The following SLC38A11 variants were observed in gnomAD, a reference collection of about 807,000 sequenced individuals.
The protein encoded by SLC38A11 is solute carrier family 38 member 11.
SLC38A11 carries 51 observed loss-of-function variants against 49.4 expected under a neutral mutation model. The ratio of observed to expected loss-of-function variants is 1.03; its 90% CI spans 0.83 to 1.30. The LOEUF is 1.30. Among genes scored for constraint, SLC38A11 ranks in the 50% most tolerant of loss-of-function variants. The probability of loss-of-function intolerance (pLI) is 0.00; values close to 1 mark genes in which losing one functional copy is unlikely to be tolerated. For missense variants in SLC38A11, 574 were observed against 556.2 expected, an observed-to-expected ratio of 1.03 and a Z score of -0.32; for synonymous variants, 203 against 192.9, an observed-to-expected ratio of 1.05 and a Z score of -0.43.
chr2:164,905,530 A>G (rs1684941015), intron 11 of SLC38A11, among the ~76,000 whole-genome samples: 1 of 152,156 alleles, frequency 6.6e-6, no homozygotes, highest in African/African-American at 2.4e-5. Flanking sequence ...ATGATGCTTG[A>G]TTTGGCTCTA....
intron 7 of SLC38A11, among the ~76,000 whole-genome samples, chr2:164,924,885 C>T (rs1686456982): frequency 6.6e-6 from 1 of 151,460 alleles, no homozygotes; most frequent in Non-Finnish European, 1.5e-5. Flanking sequence ...CAGGCACCAG[C>T]CACCATGCCC....
At chr2:164,937,008 A>G (rs1687418032) in intron 7 of SLC38A11, among the ~76,000 whole-genome samples, 3 of 152,118 alleles carry the variant, frequency 2.0e-5, no homozygotes, top group South Asian at 4.1e-4. Flanking sequence ...AACATCCACT[A>G]TATCTCTTAT....
chr2:164,918,298 A>G (rs994035373), intron 7 of SLC38A11, among the ~76,000 whole-genome samples: 3 of 152,112 alleles, frequency 2.0e-5, no homozygotes, highest in Non-Finnish European at 2.9e-5. Flanking sequence ...GTTTAATAAC[A>G]AAATATTAAT....
At chr2:164,902,976 C>CA (rs1396118950) in intron 11 of SLC38A11, among the ~76,000 whole-genome samples, 1 of 151,930 alleles carries the variant, frequency 6.6e-6, no homozygotes, top group African/African-American at 2.4e-5. Context: ...CAAAGGTACA[C>CA]AAAAAATAAA....
intron 6 of SLC38A11, 161 bp from the exon 7 acceptor site, chr2:164,937,590 C>T (rs1383148544): frequency 3.6e-6 from 2 of 554,346 alleles, no homozygotes; most frequent in East Asian, 6.3e-5. Flanking sequence ...TAATCTCAGG[C>T]AGGTAACTTC....
At position 164,955,330 on chromosome 2, in the gene SLC38A11, C is replaced by T. The variant is rs1172651453; in HGVS notation, c.-83G>A. 1.5e-6 allele frequency: 2 copies of T among 1,335,036 alleles called. No individual in the cohort carries two copies. Among genetic ancestry groups the T allele is most frequent in the Non-Finnish European group, 2.1e-6 (2 of 951,712 alleles). The allele number at this position is 1,335,036 out of a possible 1,614,324, so 82.7% of individuals were successfully genotyped here. A position where few individuals can be genotyped will look rare whatever the true frequency, so the allele number is the denominator to read the frequency against. On this transcript the variant is annotated 5_prime_UTR_variant, in exon 1 of 12. Transcript: ENST00000685975. ...CCGGCCAGCCTCCTCCGCCACCTCGCACACAGCCGAGGTCCGCGTGTAGCC... is the reference window on the plus strand; with the variant it reads ...CCGGCCAGCCTCCTCCGCCACCTCGTACACAGCCGAGGTCCGCGTGTAGCC...
chr2:164,951,109 A>C (rs1295743278), intron 3 of SLC38A11, among the ~76,000 whole-genome samples: 1 of 152,202 alleles, frequency 6.6e-6, no homozygotes, highest in Non-Finnish European at 1.5e-5. Context: ...ATATGGCATT[A>C]GTTGAAAAAG....
At chr2:164,939,123 ACACAAAAGATGG>A (rs1687571204) in intron 6 of SLC38A11, among the ~76,000 whole-genome samples, 1 of 152,142 alleles carries the variant, frequency 6.6e-6, no homozygotes, top group Non-Finnish European at 1.5e-5. Context: ...TAAACCACCT[ACACAAAAGATGG>A]AATACTTTTC....
chr2:164,949,511 G>A (rs1160617521), intron 3 of SLC38A11, among the ~76,000 whole-genome samples: 1 of 152,184 alleles, frequency 6.6e-6, no homozygotes, highest in Admixed American at 6.5e-5. Context: ...ACGTGCCTCG[G>A]CCTCTCAAAG....
chr2:164,908,499 A>C, intron 11 of SLC38A11, 141 bp downstream of exon 11: 1 of 742,352 alleles, frequency 1.3e-6, no homozygotes, highest in Non-Finnish European at 2.0e-6. Flanking sequence ...CATCATTGAA[A>C]ATATTTACTA....
chr2:164,894,666 G>A lies in SLC38A11; in HGVS notation c.*3771C>T, dbSNP rs188425913. Among the ~76,000 whole-genome samples the A allele has an allele frequency of 2.0e-4, 31 of 152,240 alleles. No individual in the cohort carries two copies. The East Asian group carries it at 5.6e-3, about 28-fold the overall frequency. ...CCTGCAGCTTAACCAGCATAACTGT[G>A]TTGATTTGGGGTTGTAATCTCTATT... On this transcript the variant is annotated 3_prime_UTR_variant, in exon 12 of 12. Transcript: ENST00000685975.
chr2:164,944,599 A>G lies in SLC38A11; in HGVS notation c.400T>C (p.Leu134=). The change falls in exon 5 of 12, where the codon TTG becomes CTG. Residue 134 remains leucine (L), a synonymous_variant. Coordinates refer to ENST00000685975, the MANE Select transcript of SLC38A11 (RefSeq NM_001351537.2). ...ISYNIIAGDT[L]SKVFQRIPGV... is the part of the protein sequence containing the mutation. ...GGGATTCTTTGAAAAACTTTGCTCAAAGTATCTCCAGCTATTATATTGTAA... is the reference window on the plus strand; with the variant it reads ...GGGATTCTTTGAAAAACTTTGCTCAGAGTATCTCCAGCTATTATATTGTAA... 5.9e-6 allele frequency: 8 copies of G among 1,345,914 alleles called. No homozygotes were observed. In the South Asian group the frequency reaches 6.9e-5, roughly 12 times the overall value. The allele number at this position is 1,345,914 out of a possible 1,614,324, so 83.4% of individuals were successfully genotyped here. A position where few individuals can be genotyped will look rare whatever the true frequency, so the allele number is the denominator to read the frequency against.
At chr2:164,946,982 C>T (rs1688156045) in intron 3 of SLC38A11, among the ~76,000 whole-genome samples, 2 of 152,018 alleles carry the variant, frequency 1.3e-5, no homozygotes, top group African/African-American at 4.8e-5. Context: ...TCCTTTTATT[C>T]TCAACCATTC....
rs17438137 is a variant in SLC38A11, at chr2:164,937,254, A to T, written c.617+96T>A. ...ATACCAAAGATAAATGATGTTTCTGATACCATGGTTACTTTATATTTCTGC... is the reference window on the plus strand; with the variant it reads ...ATACCAAAGATAAATGATGTTTCTGTTACCATGGTTACTTTATATTTCTGC... On this transcript the variant is annotated intron_variant, in intron 7 of 11. Transcript: ENST00000685975. 0.054 allele frequency: 43,871 copies of T among 813,492 alleles called. 1,751 individuals carry two copies. Among genetic ancestry groups the T allele is most frequent in the Non-Finnish European group, 0.066 (32,160 of 490,604 alleles). 50.4% of individuals were successfully genotyped at this position (813,492 alleles called of 1,614,324 possible). A position where few individuals can be genotyped will look rare whatever the true frequency, so the allele number is the denominator to read the frequency against.
intron 11 of SLC38A11, among the ~76,000 whole-genome samples, chr2:164,905,159 C>T (rs1257279934): frequency 4.0e-5 from 6 of 151,668 alleles, no homozygotes; most frequent in African/African-American, 1.5e-4. Flanking sequence ...GCTTTGTCAC[C>T]CAGGCTAGAG....
intron 3 of SLC38A11, among the ~76,000 whole-genome samples, chr2:164,949,259 T>C (rs910977102): frequency 1.3e-5 from 2 of 152,058 alleles, no homozygotes; most frequent in African/African-American, 4.8e-5. Context: ...ATTAATTTAT[T>C]TATTGTTGAG....
Position 164,915,223 on chromosome 2 carries a change from G to T in SLC38A11, c.739C>A (p.Pro247Thr). 6.2e-7 allele frequency: 1 copy of T among 1,611,760 alleles called. No individual in the cohort carries two copies. Among genetic ancestry groups the T allele is most frequent in the African/African-American group, 1.3e-5 (1 of 74,836 alleles). ...SFLVYSSLEE[P>T]TVAKWSRLIH... The stretch of plus-strand genomic sequence containing the variant: ...AGGCGGGACCACTTAGCTACTGTGG[G>T]TTCTTCTAGAGAACTGTAAACTAAG... The change falls in exon 9 of 12, where the codon CCC (proline) becomes ACC (threonine). Residue 247 changes from proline (P) to threonine (T), a missense_variant. By Grantham distance (38) the Pro-to-Thr change is conservative. Transcript: ENST00000685975.
At chr2:164,919,852 G>A (rs900957789) in intron 7 of SLC38A11, among the ~76,000 whole-genome samples, 26 of 152,056 alleles carry the variant, frequency 1.7e-4, no homozygotes, top group Admixed American at 1.4e-3. Context: ...TGAATACAGA[G>A]GGCCATGATC....
intron 7 of SLC38A11, 32 bp from the exon 8 acceptor site, chr2:164,916,005 G>A (rs777718334): frequency 2.1e-6 from 3 of 1,456,146 alleles, no homozygotes; most frequent in Admixed American, 1.7e-5. Flanking sequence ...TTGATAAATT[G>A]TTAAATAAAT....
Sources: gnomAD v4.1 joint callset for allele counts (sites outside exome capture counted in the v4.1 genomes callset) on GRCh38, gnomAD v4.1.1 for gene constraint, MANE v1.5 for transcripts, NCBI Gene and HGNC (gene_info 2026-07-23, HGNC 2026-07-21) for gene names.